The following ATRNL1 variants were observed in gnomAD, a reference collection of about 807,000 sequenced individuals.
ATRNL1 encodes attractin-like protein 1.
In ATRNL1, 95 loss-of-function variants were observed where a neutral mutation model predicts 182.7. The observed-to-expected ratio is 0.52, with a 90% confidence interval of 0.44 to 0.62. ATRNL1 has a LOEUF of 0.62. ATRNL1 is among the 20% of genes least tolerant of loss of function. ATRNL1 has a pLI of 0.00. For missense variants in ATRNL1, 1,471 were observed against 1,679.5 expected (o/e 0.88, Z 2.17); for synonymous variants, 576 against 568.3 (o/e 1.01, Z -0.19).
chr10:115,273,129 G>T (rs946610177), intron 13 of ATRNL1, among the ~76,000 whole-genome samples: 2 of 152,080 alleles, frequency 1.3e-5, no homozygotes, highest in Admixed American at 1.3e-4. Flanking sequence ...TTCTGCTACT[G>T]GCATATTGGG....
At chr10:115,337,737 T>TA (rs1855560003) in intron 19 of ATRNL1, among the ~76,000 whole-genome samples, 1 of 152,192 alleles carries the variant, frequency 6.6e-6, no homozygotes, top group Non-Finnish European at 1.5e-5. Flanking sequence ...CATTCTTTTT[T>TA]ATGGATGAAT....
intron 25 of ATRNL1, among the ~76,000 whole-genome samples, chr10:115,546,859 A>T (rs1046830235): frequency 2.0e-5 from 3 of 152,192 alleles, no homozygotes; most frequent in Non-Finnish European, 4.4e-5. Context: ...AATCCTGCAT[A>T]CAAGAAAACC....
intron 26 of ATRNL1, among the ~76,000 whole-genome samples, chr10:115,594,329 T>G (rs1262864499): frequency 6.6e-6 from 1 of 152,304 alleles, no homozygotes; most frequent in Non-Finnish European, 1.5e-5. Flanking sequence ...AAGCCAAAAT[T>G]TAGCAGATTT....
chr10:115,887,333 C>T (rs139341295), intron 28 of ATRNL1, among the ~76,000 whole-genome samples: 17 of 152,234 alleles, frequency 1.1e-4, no homozygotes, highest in Admixed American at 7.8e-4. Flanking sequence ...AGCTTATAAG[C>T]AACAAACATT....
At chr10:115,459,193 T>G (rs1369476167) in intron 21 of ATRNL1, among the ~76,000 whole-genome samples, 1 of 152,114 alleles carries the variant, frequency 6.6e-6, no homozygotes, top group Non-Finnish European at 1.5e-5. Flanking sequence ...TTGCGTTAAC[T>G]ACACAAATTG....
intron 27 of ATRNL1, among the ~76,000 whole-genome samples, chr10:115,788,275 T>C (rs933732654): frequency 3.9e-5 from 6 of 152,186 alleles, no homozygotes; most frequent in Non-Finnish European, 5.9e-5. Flanking sequence ...AACTTCCCCA[T>C]AGAATAGATT....
intron 27 of ATRNL1, among the ~76,000 whole-genome samples, chr10:115,827,309 A>C (rs1240273068): frequency 3.9e-5 from 6 of 152,232 alleles, no homozygotes; most frequent in African/African-American, 1.4e-4. Flanking sequence ...CACCCCCTGC[A>C]AACTGTTTCT....
chr10:115,772,177 A>G (rs1300388041), intron 27 of ATRNL1, among the ~76,000 whole-genome samples: 1 of 152,242 alleles, frequency 6.6e-6, no homozygotes, highest in Non-Finnish European at 1.5e-5. Flanking sequence ...AAGAAGGTTA[A>G]CAATTTGTGT....
chr10:115,730,506 C>T (rs1163165680), intron 27 of ATRNL1, among the ~76,000 whole-genome samples: 1 of 151,758 alleles, frequency 6.6e-6, no homozygotes, highest in Non-Finnish European at 1.5e-5. Context: ...GTATTTTCTC[C>T]TTTCTCAGTG....
At chr10:115,917,804 C>T (rs193247634) in intron 28 of ATRNL1, among the ~76,000 whole-genome samples, 5 of 152,116 alleles carry the variant, frequency 3.3e-5, no homozygotes, top group Admixed American at 6.5e-5. Context: ...TATTTCAGGC[C>T]GGCTCAGCAC....
At chr10:115,196,020 G>T (rs972324431) in intron 8 of ATRNL1, among the ~76,000 whole-genome samples, 3 of 151,990 alleles carry the variant, frequency 2.0e-5, no homozygotes, top group Admixed American at 6.6e-5. Context: ...AATAGGCTGC[G>T]TCCAGTGGCT....
chr10:115,271,673 G>A lies in ATRNL1; in HGVS notation c.2100+3229G>A, dbSNP rs1406410354. On this transcript the variant is annotated intron_variant, in intron 13 of 28. Coordinates refer to ENST00000355044, the MANE Select transcript of ATRNL1 (RefSeq NM_207303.4). The stretch of plus-strand genomic sequence containing the variant: ...ACATATATTCTCACCTAACCATTTT[G>A]TATTTCCTTTACCTTCAGCAAGCAC... Among the ~76,000 whole-genome samples, 4 of 152,228 alleles carry A rather than the reference G, an allele frequency of 2.6e-5. No homozygotes were observed. In the East Asian group the frequency reaches 7.7e-4, roughly 29 times the overall value.
chr10:115,893,959 T>C (rs1952142934), intron 28 of ATRNL1, among the ~76,000 whole-genome samples: 1 of 150,762 alleles, frequency 6.6e-6, no homozygotes, highest in African/African-American at 2.4e-5. Flanking sequence ...TATTCAAGAA[T>C]GGACCAAAAA....
intron 5 of ATRNL1, among the ~76,000 whole-genome samples, chr10:115,138,766 A>G (rs1270894249): frequency 1.3e-5 from 2 of 152,044 alleles, no homozygotes; most frequent in African/African-American, 2.4e-5. Context: ...CATTTTCCCC[A>G]TTGTCTTGGT....
At chr10:115,454,067 T>A (rs1847408407) in intron 21 of ATRNL1, among the ~76,000 whole-genome samples, 1 of 152,136 alleles carries the variant, frequency 6.6e-6, no homozygotes, top group Admixed American at 6.6e-5. Context: ...TTAATCCACT[T>A]TGAATTGATT....
rs561977347 is a variant in ATRNL1 at position 115,151,184 on chromosome 10, G to A, written c.830-8856G>A. Among the ~76,000 whole-genome samples the A allele has an allele frequency of 2.4e-4, 37 of 152,236 alleles. No homozygotes were observed. In the East Asian group the frequency reaches 2.5e-3, roughly 10 times the overall value. On this transcript the variant is annotated intron_variant, in intron 5 of 28. Coordinates refer to ENST00000355044, the MANE Select transcript of ATRNL1 (RefSeq NM_207303.4). The stretch of plus-strand genomic sequence containing the variant: ...GTGAATAGTGCCGCAATAAACATAC[G>A]TGTGCATGTGTCTTTATAGCAGCAT...
chr10:115,848,513 G>T (rs1178726206), intron 28 of ATRNL1, among the ~76,000 whole-genome samples: 1 of 152,128 alleles, frequency 6.6e-6, no homozygotes, highest in Non-Finnish European at 1.5e-5. Context: ...GCACCAGCTG[G>T]AGTTCATGGA....
Position 115,488,112 on chromosome 10 carries a change from G to T in ATRNL1, c.3654+18783G>T, listed in dbSNP as rs185961719. On this transcript the variant is annotated intron_variant, in intron 24 of 28. Coordinates refer to ENST00000355044, the MANE Select transcript of ATRNL1 (RefSeq NM_207303.4). The stretch of plus-strand genomic sequence containing the variant: ...GGATAAGCTTTTTGATGTGCTGCTG[G>T]ATTCAATTTGCCGGTATTTTACTGA... Among the ~76,000 whole-genome samples, 163 of 152,252 alleles carry T rather than the reference G, an allele frequency of 1.1e-3. No individual in the cohort carries two copies. The Middle Eastern group carries it at 0.044, about 41-fold the overall frequency.
At chr10:115,581,488 G>A (rs1555007407) in intron 26 of ATRNL1, among the ~76,000 whole-genome samples, 1 of 152,026 alleles carries the variant, frequency 6.6e-6, no homozygotes, top group African/African-American at 2.4e-5. Context: ...CATAGTTATT[G>A]GAAGTGCACC....
Sources: allele counts gnomAD v4.1 joint callset (sites outside exome capture counted in the v4.1 genomes callset), GRCh38; gene constraint gnomAD v4.1.1; transcripts MANE v1.5; gene names NCBI Gene and HGNC (gene_info 2026-07-23, HGNC 2026-07-21).